ADGRE1: variants seen among roughly 807,000 people sequenced by gnomAD.
The protein encoded by ADGRE1 is EGF-like module receptor 1.
A neutral mutation model predicts 102.7 loss-of-function variants in ADGRE1; 82 were observed. That is an observed-to-expected ratio of 0.80 (90% CI 0.67 to 0.96). The LOEUF is 0.96. Among genes scored for constraint, ADGRE1 ranks in the 40% least tolerant of loss-of-function variants. The pLI, the probability that ADGRE1 is intolerant of heterozygous loss-of-function variation, is 0.00. For synonymous variants in ADGRE1, 398 were observed against 399.6 expected (o/e 1.00, Z 0.05); for missense variants, 1,032 against 1,085.3 (o/e 0.95, Z 0.69).
At chr19:6,926,235 A>C (rs1296956353) in intron 15 of ADGRE1, 131 bp from the exon 16 acceptor site, 12 of 954,308 alleles carry the variant, frequency 1.3e-5, no homozygotes, top group Non-Finnish European at 1.9e-5. Flanking sequence ...GCACCTCTCT[A>C]TAAATGTTTG....
In ADGRE1 at chr19:6,909,714, TTTTG is replaced by T. The variant is rs966823847; in HGVS notation, c.1122+954_1122+957del. On this transcript the variant is annotated intron_variant, in intron 10 of 20. Coordinates refer to ENST00000312053, the MANE Select transcript of ADGRE1 (RefSeq NM_001974.5). ...GGGGACAGAATTGGTTGGTGGTTTT[TTTTG>T]TTTGTTTGTTTTGTTTTGTTTGTTT... is the stretch of plus-strand genomic sequence containing the variant. 1.8e-4 allele frequency among the ~76,000 whole-genome samples: 28 copies of T among 152,184 alleles called. No individual in the cohort carries two copies. The South Asian group carries it at 4.2e-3, about 23-fold the overall frequency.
At chr19:6,915,350 C>G (rs529585157) in intron 11 of ADGRE1, among the ~76,000 whole-genome samples, 6 of 152,234 alleles carry the variant, frequency 3.9e-5, no homozygotes, top group African/African-American at 1.2e-4. Context: ...AATTTGGGAA[C>G]AGGTATGGTA....
intron 1 of ADGRE1, among the ~76,000 whole-genome samples, chr19:6,889,208 GTGA>G (rs1329513580): frequency 7.9e-5 from 12 of 151,028 alleles, no homozygotes; most frequent in South Asian, 2.1e-4. Flanking sequence ...GATTATGGTG[GTGA>G]TGATGATGAT....
chr19:6,907,172 A>T (rs775260742), intron 9 of ADGRE1, among the ~76,000 whole-genome samples: 12 of 152,072 alleles, frequency 7.9e-5, no homozygotes, highest in Admixed American at 2.0e-4. Flanking sequence ...GAGCTTGTAA[A>T]TTGGCTATGG....
At position 6,938,622 on chromosome 19, in the gene ADGRE1, G is replaced by T. The variant is rs1364354603; in HGVS notation, c.2655+974G>T. Among the ~76,000 whole-genome samples, 4 of 151,100 alleles carry T rather than the reference G, an allele frequency of 2.6e-5. No homozygotes were observed. In the Admixed American group the frequency reaches 2.6e-4, roughly 10 times the overall value. ...CTTAGTTTCCTCACTGATAAAATGG[G>T]GATAATGGTAATCCTTACCTTGGAA... On this transcript the variant is annotated intron_variant, in intron 20 of 20. Coordinates refer to ENST00000312053, the MANE Select transcript of ADGRE1 (RefSeq NM_001974.5).
chr19:6,938,966 T>C (rs911282418), intron 20 of ADGRE1, among the ~76,000 whole-genome samples: 3 of 151,982 alleles, frequency 2.0e-5, no homozygotes, highest in Non-Finnish European at 4.4e-5. Flanking sequence ...CAGATAAATT[T>C]TGTATTTTTA....
rs529904743 is a variant in ADGRE1 at position 6,921,840 on chromosome 19, A to G, written c.1748A>G (p.Gln583Arg). The G allele has an allele frequency of 1.4e-5, 22 of 1,614,142 alleles. No homozygotes were observed. The East Asian group carries it at 3.1e-4, about 23-fold the overall frequency. The change falls in exon 14 of 21, where the codon CAG (glutamine) becomes CGG (arginine). Residue 583 changes from glutamine to arginine, a missense_variant. Physicochemically the swap from Gln to Arg is conservative, Grantham distance 43. Coordinates refer to ENST00000312053, the MANE Select transcript of ADGRE1 (RefSeq NM_001974.5). ...ACATATACCATCTGCAGCTGTAATCAGATGGCAAATCTTGCCGTTATCATG... is the reference window on the plus strand; with the variant it reads ...ACATATACCATCTGCAGCTGTAATCGGATGGCAAATCTTGCCGTTATCATG... ...SETYTICSCN[Q>R]MANLAVIMAS...
Position 6,898,472 on chromosome 19 carries a change from T to C in ADGRE1, c.514+925T>C, listed in dbSNP as rs180891493. On this transcript the variant is annotated intron_variant, in intron 5 of 20. Coordinates refer to ENST00000312053, the MANE Select transcript of ADGRE1 (RefSeq NM_001974.5). The stretch of plus-strand genomic sequence containing the variant: ...AATTTCTCCTGTACTGGTGATGCCC[T>C]CAGGTTCCCAGGGATGGGTCTTGAG... The C allele has an allele frequency of 3.1e-6, 5 of 1,589,272 alleles. No individual in the cohort carries two copies. The African/African-American group carries it at 6.7e-5, about 21-fold the overall frequency.
At chr19:6,904,251 A>G (rs961415874) in intron 8 of ADGRE1, 69 bp downstream of exon 8, 13 of 1,576,024 alleles carry the variant, frequency 8.2e-6, no homozygotes, top group Non-Finnish European at 1.0e-5. Context: ...TTCTCATTCT[A>G]CCCAACCTCG....
intron 1 of ADGRE1, among the ~76,000 whole-genome samples, chr19:6,889,479 A>G (rs1973271954): frequency 6.6e-6 from 1 of 151,832 alleles, no homozygotes; most frequent in African/African-American, 2.4e-5. Flanking sequence ...TCATGAGGTC[A>G]GGAGATCGAG....
At chr19:6,917,664 T>C (rs35275289) in intron 12 of ADGRE1, among the ~76,000 whole-genome samples, 28,368 of 144,692 alleles carry the variant, frequency 0.2, 2,751 homozygotes, top group Middle Eastern at 0.34. Context: ...TGCTTGAACC[T>C]GGGAGGTGGA....
At chr19:6,899,270 T>G (rs1205352952) in intron 5 of ADGRE1, among the ~76,000 whole-genome samples, 1 of 152,178 alleles carries the variant, frequency 6.6e-6, no homozygotes, top group Non-Finnish European at 1.5e-5. Context: ...AGGTGCTGTG[T>G]ATGGCATCTG....
chr19:6,900,651 C>A (rs540041930), intron 5 of ADGRE1, among the ~76,000 whole-genome samples: 2 of 152,182 alleles, frequency 1.3e-5, no homozygotes, highest in South Asian at 2.1e-4. Flanking sequence ...CACCAAGAGA[C>A]AAGAGCTCCA....
At chr19:6,922,612 TCA>T (rs770150909) in intron 14 of ADGRE1, among the ~76,000 whole-genome samples, 48,070 of 122,568 alleles carry the variant, frequency 0.39, 8,558 homozygotes, top group Non-Finnish European at 0.47. Context: ...AGACTCTGTC[TCA>T]CACACACACA....
At chr19:6,891,715 C>T (rs532864377) in intron 2 of ADGRE1, among the ~76,000 whole-genome samples, 1 of 152,236 alleles carries the variant, frequency 6.6e-6, no homozygotes, top group East Asian at 1.9e-4. Context: ...TTCCGAAGTG[C>T]TGGGATTACA....
At chr19:6,922,006 G>A (rs1016298139) in intron 14 of ADGRE1, 123 bp downstream of exon 14, 6 of 1,123,214 alleles carry the variant, frequency 5.3e-6, no homozygotes, top group Non-Finnish European at 6.2e-6. Flanking sequence ...GGAGTCACGG[G>A]GACAGAAGGG....
chr19:6,930,376 T>G (rs1234178985), intron 17 of ADGRE1, among the ~76,000 whole-genome samples: 5 of 152,232 alleles, frequency 3.3e-5, no homozygotes, highest in Non-Finnish European at 7.3e-5. Flanking sequence ...ATGATTCTTC[T>G]GACTCTCACT....
chr19:6,916,758 T>C (rs1974402510), intron 12 of ADGRE1, among the ~76,000 whole-genome samples: 1 of 151,142 alleles, frequency 6.6e-6, no homozygotes, highest in African/African-American at 2.4e-5. Context: ...AAAAAATATT[T>C]AAATTTTTAA....
intron 18 of ADGRE1, 33 bp downstream of exon 18, chr19:6,935,111 A>AAC (rs2145034701): frequency 2.2e-6 from 3 of 1,391,554 alleles, no homozygotes; most frequent in South Asian, 1.3e-5. Flanking sequence ...CCCCTCTTTT[A>AAC]ATTTCCTCTT....
Sources: gnomAD v4.1 joint callset for allele counts (sites outside exome capture counted in the v4.1 genomes callset) on GRCh38, gnomAD v4.1.1 for gene constraint, MANE v1.5 for transcripts, NCBI Gene and HGNC (gene_info 2026-07-23, HGNC 2026-07-21) for gene names.